Variants in ZNF608 observed in about 807,000 individuals in gnomAD.
ZNF608 encodes renal carcinoma antigen NY-REN-36.
In ZNF608, 12 loss-of-function variants were observed where a neutral mutation model predicts 109.0. The observed-to-expected ratio is 0.11, with a 90% CI of 0.07 to 0.18. The LOEUF is 0.18. Among genes scored for constraint, ZNF608 ranks in the 10% least tolerant of loss-of-function variants. The pLI is 1.00. For synonymous variants in ZNF608, 732 were observed against 717.4 expected (o/e 1.02, Z -0.33); for missense variants, 1,707 against 1,879.3 (o/e 0.91, Z 1.70).
At chr5:124,718,577 C>T (rs1753792533) in intron 2 of ZNF608, among the ~76,000 whole-genome samples, 1 of 152,182 alleles carries the variant, frequency 6.6e-6, no homozygotes, top group African/African-American at 2.4e-5. Context: ...AGATTAACAG[C>T]CAATCCTCTG....
chr5:124,747,313 T>C (rs1749673857), upstream of ZNF608, among the ~76,000 whole-genome samples: 1 of 151,794 alleles, frequency 6.6e-6, no homozygotes, highest in African/African-American at 2.4e-5. Flanking sequence ...CCCCGGAGCT[T>C]GGCTTAGTAT....
At chr5:124,684,491 A>G (rs761009500) in intron 3 of ZNF608, among the ~76,000 whole-genome samples, 1 of 152,140 alleles carries the variant, frequency 6.6e-6, no homozygotes, top group Non-Finnish European at 1.5e-5. Context: ...AATCTTACCC[A>G]TAAGTCCTAA....
intron 5 of ZNF608, among the ~76,000 whole-genome samples, chr5:124,645,315 A>C (rs1364944524): frequency 6.6e-6 from 1 of 152,198 alleles, no homozygotes; most frequent in Non-Finnish European, 1.5e-5. Flanking sequence ...ATCTATCTAT[A>C]AACCCCCAAA....
Position 124,648,160 on chromosome 5 carries a change from G to C in ZNF608, c.2224C>G (p.Pro742Ala), listed in dbSNP as rs376528113. Reference sequence around the variant, plus strand: ...ATTAGCTGCGGGGGAGTGGGGGCTGGGGCAGGGGCAATGGGCCGGGCACTT... The same window carrying C: ...ATTAGCTGCGGGGGAGTGGGGGCTGCGGCAGGGGCAATGGGCCGGGCACTT... Reference protein sequence around the residue: ...LKSARPIAPAPAPTPPQLIAI... With the variant: ...LKSARPIAPAAAPTPPQLIAI... The change falls in exon 5 of 10, where the codon CCA becomes GCA. Residue 742 changes from proline to alanine, a missense_variant. This residue lies in a region of ZNF608 where 1,073 missense variants were observed against 1,133.5 expected (regional missense o/e 0.95). Transcript: ENST00000513986. The C allele has an allele frequency of 1.2e-6, 2 of 1,611,140 alleles. No individual in the cohort carries two copies. Among genetic ancestry groups the C allele is most frequent in the Middle Eastern group, 1.7e-4 (1 of 5,936 alleles).
intron 2 of ZNF608, among the ~76,000 whole-genome samples, chr5:124,736,596 A>G (rs2149898588): frequency 6.6e-6 from 1 of 152,262 alleles, no homozygotes; most frequent in Non-Finnish European, 1.5e-5. Context: ...AAAAAAGTAC[A>G]TTTCCTCCAG....
Position 124,644,491 on chromosome 5 carries a change from T to G in ZNF608, c.3876A>C (p.Lys1292Asn). ...PSLPVSLTSI[K>N]EEPKEAKHPD... The stretch of plus-strand genomic sequence containing the variant: ...GATGCTTGGCCTCTTTGGGCTCCTC[T>G]TTAATGCTTGTTAACGATACAGGAA... The change falls in exon 6 of 10, where the codon AAA (lysine) becomes AAC (asparagine). Residue 1292 changes from lysine (K) to asparagine (N), a missense_variant. Physicochemically the swap from Lys to Asn is moderately conservative, Grantham distance 94 (BLOSUM62 0). This residue lies in a region of ZNF608 where 1,073 missense variants were observed against 1,133.5 expected (regional missense o/e 0.95). Transcript: ENST00000513986. 1 of 1,614,180 alleles carries G rather than the reference T, an allele frequency of 6.2e-7. No individual in the cohort carries two copies. The highest frequency in any genetic ancestry group is 1.1e-5 in the South Asian group (1 of 91,072).
intron 3 of ZNF608, among the ~76,000 whole-genome samples, chr5:124,683,537 CAT>C (rs1752285435): frequency 6.6e-6 from 1 of 152,016 alleles, no homozygotes; most frequent in Non-Finnish European, 1.5e-5. Flanking sequence ...TCCACATAAA[CAT>C]GTGTTTTCAA....
At chr5:124,655,053 A>G (rs1750947529) in intron 3 of ZNF608, among the ~76,000 whole-genome samples, 2 of 152,226 alleles carry the variant, frequency 1.3e-5, no homozygotes, top group African/African-American at 4.8e-5. Context: ...AGAATTCATT[A>G]AACACCTAGG....
chr5:124,741,802 G>T (rs1290851252), intron 2 of ZNF608, among the ~76,000 whole-genome samples: 1 of 152,168 alleles, frequency 6.6e-6, no homozygotes, highest in Non-Finnish European at 1.5e-5. Context: ...ATTCTTAAGA[G>T]AAGTCATTCT....
chr5:124,684,536 A>G (rs1238066283), intron 3 of ZNF608, among the ~76,000 whole-genome samples: 4 of 152,210 alleles, frequency 2.6e-5, no homozygotes, highest in Middle Eastern at 3.2e-3. Flanking sequence ...TAGGTTATAT[A>G]AAATGCATTA....
At chr5:124,707,767 G>A (rs904216295) in intron 2 of ZNF608, 6 of 152,170 alleles carry the variant, frequency 3.9e-5, no homozygotes, top group African/African-American at 1.4e-4. Flanking sequence ...TAGCAAAGCA[G>A]GGGAAGCTTT....
chr5:124,696,207 A>C (rs1239089811), intron 3 of ZNF608, among the ~76,000 whole-genome samples: 1 of 151,952 alleles, frequency 6.6e-6, no homozygotes. Flanking sequence ...AAAGGAAAAA[A>C]AGAGAGAGAG....
At chr5:124,657,678 AAAAC>A (rs1354699426) in intron 3 of ZNF608, among the ~76,000 whole-genome samples, 12 of 152,242 alleles carry the variant, frequency 7.9e-5, no homozygotes, top group East Asian at 1.9e-4. Flanking sequence ...CCATCTCAAA[AAAAC>A]AAACAAACAA....
At chr5:124,662,665 C>G (rs376647627) in intron 3 of ZNF608, among the ~76,000 whole-genome samples, 78 of 152,360 alleles carry the variant, frequency 5.1e-4, no homozygotes, top group African/African-American at 1.8e-3. Context: ...CGACTTCAAG[C>G]CTTTTCCAGA....
intron 7 of ZNF608, 62 bp from the exon 8 acceptor site, chr5:124,641,467 A>G: frequency 6.6e-7 from 1 of 1,517,582 alleles, no homozygotes; most frequent in Non-Finnish European, 8.9e-7. Flanking sequence ...TAAGAGTACT[A>G]AACCACCTTT....
At chr5:124,668,719 A>G (rs1751588273) in intron 3 of ZNF608, among the ~76,000 whole-genome samples, 1 of 152,152 alleles carries the variant, frequency 6.6e-6, no homozygotes, top group Non-Finnish European at 1.5e-5. Flanking sequence ...GGGAGGCCTG[A>G]CCCACGCCCA....
At chr5:124,643,730 TA>T (rs536852356) in intron 6 of ZNF608, 47 bp from the exon 7 acceptor site, 9 of 1,571,786 alleles carry the variant, frequency 5.7e-6, no homozygotes, top group South Asian at 4.7e-5. Context: ...GCTATATCTT[TA>T]AAAAAAATCA....
At chr5:124,714,320 A>T (rs1369606499) in intron 2 of ZNF608, among the ~76,000 whole-genome samples, 6 of 152,206 alleles carry the variant, frequency 3.9e-5, no homozygotes, top group African/African-American at 1.4e-4. Context: ...TCTGTTGAGG[A>T]CTAGAAATGA....
intron 3 of ZNF608, among the ~76,000 whole-genome samples, chr5:124,678,036 C>T (rs1752028167): frequency 6.6e-6 from 1 of 152,070 alleles, no homozygotes; most frequent in Non-Finnish European, 1.5e-5. Context: ...TCAAATAAAG[C>T]CTTACATGGC....
Sources: gnomAD v4.1 joint callset for allele counts (sites outside exome capture counted in the v4.1 genomes callset) on GRCh38, gnomAD v4.1.1 for gene constraint, gnomAD v4.1.1 regional missense constraint, MANE v1.5 for transcripts, NCBI Gene and HGNC (gene_info 2026-07-23, HGNC 2026-07-21) for gene names.